N4BP2L2: variants seen among roughly 807,000 people sequenced by gnomAD.
N4BP2L2 encodes the protein NEDD4-binding protein 2-like 2.
N4BP2L2 carries 50 observed loss-of-function variants against 56.2 expected under a neutral mutation model. The observed-to-expected ratio is 0.89, with a 90% confidence interval of 0.71 to 1.13. The LOEUF (loss-of-function observed/expected upper bound fraction) is 1.13, where lower values mean the gene tolerates loss of function less well. Among genes scored for constraint, N4BP2L2 ranks in the 50% most tolerant of loss-of-function variants. The pLI is 0.00. For synonymous variants in N4BP2L2, 203 were observed against 223.6 expected (o/e 0.91, Z 0.82); for missense variants, 689 against 693.8 (o/e 0.99, Z 0.08).
chr13:32,471,554 C>T (rs191843427), intron 6 of N4BP2L2, among the ~76,000 whole-genome samples: 58 of 152,342 alleles, frequency 3.8e-4, no homozygotes, highest in Admixed American at 1.1e-3. Context: ...ATCTTGTAGG[C>T]GGACAAGGGG....
intron 6 of N4BP2L2, chr13:32,444,228 G>T: frequency 1.2e-6 from 1 of 855,052 alleles, no homozygotes; most frequent in Non-Finnish European, 1.6e-6. Context: ...AAAACCTTTA[G>T]TACAAGAGAC....
chr13:32,443,157 T>G, exon 7 of N4BP2L2: 1 of 1,613,988 alleles, frequency 6.2e-7, no homozygotes, highest in South Asian at 1.1e-5. Flanking sequence ...GGTTTGTTTC[T>G]ATGAATGAAT....
Position 32,536,029 on chromosome 13 carries a change from CT to C in N4BP2L2, c.998del (p.Gln333ArgfsTer29). 1 of 1,613,932 alleles carries C rather than the reference CT, an allele frequency of 6.2e-7. No individual in the cohort carries two copies. ...CACTACAGTCAGTATATTCATTGTT[CT>C]GATCAAAAGTCATGCAATTCCAGTT... On this transcript the variant is annotated frameshift_variant, in exon 2 of 6. Coordinates refer to ENST00000267068, the Ensembl canonical transcript of N4BP2L2. LOFTEE classifies it high-confidence loss of function.
chr13:32,442,468 T>TTA lies in N4BP2L2; in HGVS notation c.2023_2024insTA (p.Tyr675LeufsTer17). 1 of 1,613,242 alleles carries TTA rather than the reference T, an allele frequency of 6.2e-7. No individual in the cohort carries two copies. The highest frequency in any genetic ancestry group is 8.5e-7 in the Non-Finnish European group (1 of 1,179,514). On this transcript the variant is annotated frameshift_variant, in exon 7 of 10. Transcript: ENST00000357505. LOFTEE classifies it high-confidence loss of function. ...TGATAATGGTAGCTCAAGGGAACGG[T>TTA]AGTCAGTGCTTGTTAAGTCTTGGCT...
intron 6 of N4BP2L2, among the ~76,000 whole-genome samples, chr13:32,485,816 C>A (rs778725299): frequency 1.4e-4 from 21 of 152,274 alleles, no homozygotes; most frequent in Admixed American, 3.3e-4. Context: ...CACCTGTAAT[C>A]CCAGCACTTT....
intron 6 of N4BP2L2, among the ~76,000 whole-genome samples, chr13:32,489,091 A>C (rs926260572): frequency 6.6e-6 from 1 of 152,198 alleles, no homozygotes; most frequent in African/African-American, 2.4e-5. Context: ...CAAACAAACA[A>C]ACATATTCTG....
chr13:32,509,893 G>C (rs2091504065), downstream of N4BP2L2, among the ~76,000 whole-genome samples: 1 of 152,088 alleles, frequency 6.6e-6, no homozygotes, highest in African/African-American at 2.4e-5. Flanking sequence ...AAGGAATTAA[G>C]AGAAACCAAA....
chr13:32,521,412 G>C (rs777173491), exon 5 of N4BP2L2: 1 of 1,612,972 alleles, frequency 6.2e-7, no homozygotes. Context: ...CCAAGTTTCA[G>C]GTTCATGAAA....
intron 7 of N4BP2L2, among the ~76,000 whole-genome samples, chr13:32,440,303 A>G (rs1262617601): frequency 6.6e-6 from 1 of 152,134 alleles, no homozygotes; most frequent in African/African-American, 2.4e-5. Flanking sequence ...GGTATAGAAC[A>G]ACAGAAGATA....
chr13:32,532,877 C>A (rs1423909603), intron 2 of N4BP2L2, among the ~76,000 whole-genome samples: 1 of 137,862 alleles, frequency 7.3e-6, no homozygotes, highest in Non-Finnish European at 1.6e-5. Flanking sequence ...GGGTGAGCCA[C>A]CGGCACCCGG....
At chr13:32,512,526 G>C (rs891331785) in exon 6 of N4BP2L2, 3 of 152,152 alleles carry the variant, frequency 2.0e-5, no homozygotes, top group Non-Finnish European at 2.9e-5. Flanking sequence ...ATGTAACAGG[G>C]TTATTTTTCA....
intron 6 of N4BP2L2, among the ~76,000 whole-genome samples, chr13:32,462,325 T>C (rs2080265591): frequency 6.6e-6 from 1 of 152,066 alleles, no homozygotes; most frequent in African/African-American, 2.4e-5. Flanking sequence ...TCATGTTAAG[T>C]GAAATAATCA....
intron 6 of N4BP2L2, chr13:32,446,254 G>A: frequency 2.9e-6 from 2 of 695,110 alleles, no homozygotes; most frequent in Non-Finnish European, 4.3e-6. Context: ...ATACTCTAAG[G>A]AACACTAATG....
chr13:32,478,120 A>G, intron 6 of N4BP2L2: 2 of 1,194,266 alleles, frequency 1.7e-6, no homozygotes, highest in Non-Finnish European at 2.2e-6. Context: ...TATAAAGTAA[A>G]TAACGTCTAC....
intron 6 of N4BP2L2, among the ~76,000 whole-genome samples, chr13:32,489,712 C>T (rs957344975): frequency 2.0e-5 from 3 of 151,082 alleles, no homozygotes; most frequent in African/African-American, 7.3e-5. Context: ...AAGGTTCATC[C>T]TGTAATATTA....
At chr13:32,496,786 C>G (rs1042016653) in intron 6 of N4BP2L2, among the ~76,000 whole-genome samples, 1 of 152,214 alleles carries the variant, frequency 6.6e-6, no homozygotes, top group Non-Finnish European at 1.5e-5. Context: ...CTGAGCCCCA[C>G]CTCTGACATG....
At chr13:32,521,863 C>A (rs182519066) in intron 4 of N4BP2L2, 1 of 305,886 alleles carries the variant, frequency 3.3e-6, no homozygotes, top group South Asian at 3.7e-5. Context: ...ATAATCTCAG[C>A]TACTCAGGTG....
chr13:32,442,466 G>C (rs34539888), exon 7 of N4BP2L2: 1 of 1,612,882 alleles, frequency 6.2e-7, no homozygotes, highest in Non-Finnish European at 8.5e-7. Flanking sequence ...TCAAGGGAAC[G>C]GTAGTCAGTG....
intron 6 of N4BP2L2, among the ~76,000 whole-genome samples, chr13:32,494,109 T>C (rs1418442219): frequency 2.0e-5 from 3 of 151,540 alleles, no homozygotes; most frequent in African/African-American, 7.3e-5. Flanking sequence ...CCATGTCTAC[T>C]AAAAATAAAA....
Sources: allele counts gnomAD v4.1 joint callset (sites outside exome capture counted in the v4.1 genomes callset), GRCh38; gene constraint gnomAD v4.1.1; transcripts MANE v1.5; gene names NCBI Gene and HGNC (gene_info 2026-07-23, HGNC 2026-07-21).